The following AFF1 variants were observed in gnomAD, a reference collection of about 807,000 sequenced individuals.
AFF1 encodes ALF transcription elongation factor 1.
A neutral mutation model predicts 121.7 loss-of-function variants in AFF1; 48 were observed. The observed-to-expected ratio is 0.39, with a 90% CI of 0.31 to 0.50. AFF1 has a LOEUF of 0.50. Among genes scored for constraint, AFF1 ranks in the 20% least tolerant of loss-of-function variants. The probability of loss-of-function intolerance (pLI) is 0.76; values close to 1 mark genes in which losing one functional copy is unlikely to be tolerated. For missense variants in AFF1, 1,523 were observed against 1,511.7 expected (o/e 1.01, Z -0.12); for synonymous variants, 613 against 563.0 (o/e 1.09, Z -1.26).
intron 12 of AFF1, among the ~76,000 whole-genome samples, chr4:87,118,271 G>A (rs1727322256): frequency 6.6e-6 from 1 of 151,312 alleles, no homozygotes; most frequent in South Asian, 2.1e-4. Context: ...TAACAGCTGT[G>A]ATGAAGCCAT....
At chr4:86,980,675 G>A (rs1723663109) in intron 2 of AFF1, among the ~76,000 whole-genome samples, 1 of 152,110 alleles carries the variant, frequency 6.6e-6, no homozygotes, top group Admixed American at 6.6e-5. Flanking sequence ...AAATGAAAAT[G>A]TGCATTCATT....
chr4:86,943,791 C>T (rs190797792), intron 1 of AFF1, among the ~76,000 whole-genome samples: 1 of 152,036 alleles, frequency 6.6e-6, no homozygotes, highest in East Asian at 1.9e-4. Flanking sequence ...GAAACCCCGT[C>T]TCTACTAAAA....
intron 8 of AFF1, among the ~76,000 whole-genome samples, chr4:87,096,713 G>A (rs1424969792): frequency 6.6e-6 from 1 of 151,636 alleles, no homozygotes; most frequent in Non-Finnish European, 1.5e-5. Flanking sequence ...ATGATGCCCG[G>A]CTCCCCTTCC....
chr4:87,063,640 T>C (rs1456156603), intron 4 of AFF1, among the ~76,000 whole-genome samples: 1 of 152,222 alleles, frequency 6.6e-6, no homozygotes, highest in Non-Finnish European at 1.5e-5. Flanking sequence ...ATAATGTTTC[T>C]AATGGACAGA....
At chr4:87,115,560 T>C (rs980203505) in intron 12 of AFF1, among the ~76,000 whole-genome samples, 8 of 150,948 alleles carry the variant, frequency 5.3e-5, no homozygotes, top group African/African-American at 1.2e-4. Context: ...TTAAAAACAA[T>C]AGCTTCTTTT....
chr4:86,996,916 A>T (rs866731326), intron 2 of AFF1, among the ~76,000 whole-genome samples: 27 of 152,126 alleles, frequency 1.8e-4, no homozygotes, highest in South Asian at 8.3e-4. Context: ...AATTTAATTT[A>T]ATTTTATTTT....
intron 2 of AFF1, among the ~76,000 whole-genome samples, chr4:86,966,485 G>T (rs1722548521): frequency 6.6e-6 from 1 of 151,934 alleles, no homozygotes; most frequent in Admixed American, 6.6e-5. Context: ...CCCCCAGTGG[G>T]TGATTCCAAC....
chr4:87,043,809 TTTTCTTTC>T (rs553253804), intron 2 of AFF1, among the ~76,000 whole-genome samples: 1 of 139,844 alleles, frequency 7.2e-6, no homozygotes, highest in Non-Finnish European at 1.5e-5. Context: ...GAAGATAATT[TTTTCTTTC>T]TTTCTTTCTT....
intron 4 of AFF1, among the ~76,000 whole-genome samples, chr4:87,080,897 A>G (rs1723096864): frequency 6.6e-6 from 1 of 152,222 alleles, no homozygotes; most frequent in African/African-American, 2.4e-5. Context: ...GGAACATAAA[A>G]TGATCTCATA....
At chr4:86,968,287 G>C (rs1722674071) in intron 2 of AFF1, among the ~76,000 whole-genome samples, 1 of 152,000 alleles carries the variant, frequency 6.6e-6, no homozygotes, top group African/African-American at 2.4e-5. Flanking sequence ...CTGATTATGA[G>C]CTAGCAGACA....
chr4:87,023,124 G>A (rs1464001766), intron 2 of AFF1, among the ~76,000 whole-genome samples: 1 of 152,032 alleles, frequency 6.6e-6, no homozygotes, highest in African/African-American at 2.4e-5. Flanking sequence ...GTTCAGGCTG[G>A]TCTTGAACTC....
chr4:87,091,969 A>G (rs1010303031), intron 7 of AFF1, 140 bp downstream of exon 7: 1 of 671,500 alleles, frequency 1.5e-6, no homozygotes, highest in African/African-American at 1.9e-5. Context: ...GAACAAATAT[A>G]AAACTATTCT....
At chr4:87,122,897 A>G (rs983400956) in intron 12 of AFF1, among the ~76,000 whole-genome samples, 2 of 151,140 alleles carry the variant, frequency 1.3e-5, no homozygotes, top group African/African-American at 2.4e-5. Flanking sequence ...AAAAAAAAAA[A>G]AAAAAAAAAT....
At chr4:87,011,518 T>C (rs1726759481) in intron 2 of AFF1, among the ~76,000 whole-genome samples, 1 of 152,180 alleles carries the variant, frequency 6.6e-6, no homozygotes, top group African/African-American at 2.4e-5. Flanking sequence ...AGCTAGTGAT[T>C]ACCTTGGAAG....
chr4:87,010,652 G>T (rs553101427), intron 2 of AFF1, among the ~76,000 whole-genome samples: 1 of 152,296 alleles, frequency 6.6e-6, no homozygotes, highest in East Asian at 1.9e-4. Context: ...TTTATACTGA[G>T]GAGTGGTGTT....
chr4:87,047,581 C>G lies in AFF1; in HGVS notation c.1046C>G (p.Ser349Cys). 6.2e-7 allele frequency: 1 copy of G among 1,614,174 alleles called. No homozygotes were observed. The highest frequency in any genetic ancestry group is 8.5e-7 in the Non-Finnish European group (1 of 1,180,036). The change falls in exon 4 of 21, where the codon TCT becomes TGT. Residue 349 changes from serine (S) to cysteine (C), a missense_variant. Coordinates refer to ENST00000395146, the MANE Select transcript of AFF1 (RefSeq NM_001166693.3). Reference protein sequence around the residue: ...KAKLTKLKMPSQSVEQTYSNE... With the variant: ...KAKLTKLKMPCQSVEQTYSNE... ...AAGCTCACCAAACTGAAGATGCCTT[C>G]TCAGTCAGTTGAGGTGTGTGGAATT...
chr4:87,139,016 C>T lies in AFF1; in HGVS notation c.*3315C>T. On this transcript the variant is annotated 3_prime_UTR_variant, in exon 21 of 21. Coordinates refer to ENST00000395146, the MANE Select transcript of AFF1 (RefSeq NM_001166693.3). The stretch of plus-strand genomic sequence containing the variant: ...GTATCTTACACATTAATGTTACTAG[C>T]ATCAGGAGCTTACTGTTTTATTATG... The T allele has an allele frequency of 4.4e-6, 1 of 224,912 alleles. No homozygotes were observed. The highest frequency in any genetic ancestry group is 6.5e-5 in the East Asian group (1 of 15,490). 13.9% of individuals were successfully genotyped at this position (224,912 alleles called of 1,614,324 possible). A position where few individuals can be genotyped will look rare whatever the true frequency, so the allele number is the denominator to read the frequency against.
intron 2 of AFF1, among the ~76,000 whole-genome samples, chr4:86,960,746 A>AACTGAGAGGCTGAG (rs1722090404): frequency 1.3e-5 from 2 of 152,142 alleles, no homozygotes; most frequent in African/African-American, 4.8e-5. Flanking sequence ...CTCGTTGTGT[A>AACTGAGAGGCTGAG]GTCAGCTCCC....
chr4:86,986,671 C>T (rs1056231824), intron 2 of AFF1, among the ~76,000 whole-genome samples: 5 of 151,926 alleles, frequency 3.3e-5, no homozygotes, highest in African/African-American at 1.2e-4. Context: ...GCCTAAGAGA[C>T]ATATCAACCC....
Sources: gnomAD v4.1 joint callset for allele counts (sites outside exome capture counted in the v4.1 genomes callset) on GRCh38, gnomAD v4.1.1 for gene constraint, MANE v1.5 for transcripts, NCBI Gene and HGNC (gene_info 2026-07-23, HGNC 2026-07-21) for gene names.